Variants in RIF1 observed in about 807,000 individuals in gnomAD.
RIF1 encodes replication timing regulatory factor 1.
In RIF1, 45 loss-of-function variants were observed where a neutral mutation model predicts 247.1. That is an observed-to-expected ratio of 0.18 (90% CI 0.14 to 0.23). The LOEUF (loss-of-function observed/expected upper bound fraction) is 0.23. Among genes scored for constraint, RIF1 ranks in the 10% least tolerant of loss-of-function variants. The probability of loss-of-function intolerance (pLI) is 1.00; values close to 1 mark genes in which losing one functional copy is unlikely to be tolerated. For synonymous variants in RIF1, 1,087 were observed against 978.8 expected, an observed-to-expected ratio of 1.11 and a Z score of -2.06; for missense variants, 2,967 against 2,862.5, an observed-to-expected ratio of 1.04 and a Z score of -0.83.
At position 151,492,082 on chromosome 2, in the gene RIF1, A is replaced by C. The variant is rs756271464; in HGVS notation, c.*416-3147A>C. 4.3e-6 allele frequency: 7 copies of C among 1,612,652 alleles called. No homozygotes were observed. The African/African-American group carries it at 9.4e-5, about 22-fold the overall frequency. On this transcript the variant is annotated intron_variant and NMD_transcript_variant, in intron 9 of 13. Transcript: ENST00000454583. ...CACTTAAAGTTAATCCCCTCCCCCA[A>C]CCCAGGCTCAGTTACCTGTAATAGT...
At chr2:151,425,981 T>TG (rs1357142433) in intron 8 of RIF1, among the ~76,000 whole-genome samples, 3 of 151,342 alleles carry the variant, frequency 2.0e-5, no homozygotes, top group Admixed American at 2.0e-4. Context: ...GCCTGGCCTG[T>TG]GGTACCCTTT....
rs763660764 is a variant in RIF1 at position 151,463,407 on chromosome 2, A to G, written c.3887A>G (p.Gln1296Arg). 1.9e-6 allele frequency: 3 copies of G among 1,613,878 alleles called. No individual in the cohort carries two copies. Among genetic ancestry groups the G allele is most frequent in the Non-Finnish European group, 2.5e-6 (3 of 1,179,984 alleles). The change falls in exon 30 of 36, where the codon CAA (glutamine) becomes CGA (arginine). Residue 1296 changes from glutamine to arginine, a missense_variant. This residue lies in a region of RIF1 where 2,028 missense variants were observed against 1,825.6 expected (regional missense o/e 1.11). Transcript: ENST00000444746. ...AGCCGGAGAGCTGGTAAAGCTGAAC[A>G]AACAGGGAATAAAAGGTCTAAGCCC... ...RSSRRAGKAE[Q>R]TGNKRSKPLM...
chr2:151,489,047 C>G (rs2152738989), intron 9 of RIF1, among the ~76,000 whole-genome samples: 1 of 152,216 alleles, frequency 6.6e-6, no homozygotes, highest in East Asian at 1.9e-4. Context: ...AGGGTTAGCA[C>G]AGTTTCTTTA....
chr2:151,442,388 TAAAA>T (rs34173773), intron 16 of RIF1, among the ~76,000 whole-genome samples: 3 of 134,830 alleles, frequency 2.2e-5, no homozygotes, highest in Admixed American at 7.6e-5. Context: ...CCCTTTTTTT[TAAAA>T]AAAAAAAAAA....
At position 151,462,740 on chromosome 2, in the gene RIF1, A is replaced by C. The variant is rs923513068; in HGVS notation, c.3364-144A>C. The C allele has an allele frequency of 1.1e-5, 7 of 637,888 alleles. No individual in the cohort carries two copies. The South Asian group carries it at 1.6e-4, about 14-fold the overall frequency. The allele number at this position is 637,888 out of a possible 1,614,324, so 39.5% of individuals were successfully genotyped here. On this transcript the variant is annotated intron_variant, in intron 29 of 35. Coordinates refer to ENST00000444746, the MANE Select transcript of RIF1 (RefSeq NM_018151.5). Reference sequence around the variant, plus strand: ...CACAAACTGTTAGGTATCTACCACTAACTTTGGAATAGTTGCCATATATTG... The same window carrying C: ...CACAAACTGTTAGGTATCTACCACTCACTTTGGAATAGTTGCCATATATTG...
chr2:151,459,662 C>T (rs1273490188), intron 25 of RIF1, among the ~76,000 whole-genome samples: 1 of 152,148 alleles, frequency 6.6e-6, no homozygotes, highest in African/African-American at 2.4e-5. Flanking sequence ...GTTTAAAGTT[C>T]TATGGCTTTG....
chr2:151,423,110 T>C (rs1688446230), intron 8 of RIF1, 68 bp downstream of exon 8: 1 of 839,818 alleles, frequency 1.2e-6, no homozygotes, highest in African/African-American at 1.7e-5. Context: ...TTACCTTTTC[T>C]TTGTACAGTT....
chr2:151,498,348 A>G, intron 10 of RIF1: 3 of 1,547,810 alleles, frequency 1.9e-6, no homozygotes, highest in Non-Finnish European at 2.6e-6. Flanking sequence ...TTCTTTGTAT[A>G]GCACCTGTAT....
Position 151,433,393 on chromosome 2 carries a change from A to AG in RIF1, c.1077+168dup, listed in dbSNP as rs1690530972. Among the ~76,000 whole-genome samples, 3 of 152,202 alleles carry AG rather than the reference A, an allele frequency of 2.0e-5. No individual in the cohort carries two copies. In the South Asian group the frequency reaches 6.2e-4, roughly 32 times the overall value. ...AGAGAACTTAAATTCATTTCCCACA[A>AG]GGGATATTGTTCAGTTGCTTGAAAT... On this transcript the variant is annotated intron_variant, in intron 10 of 35. Coordinates refer to ENST00000444746, the MANE Select transcript of RIF1 (RefSeq NM_018151.5).
chr2:151,525,242 T>C, the RIF1 span: 2 of 1,613,912 alleles, frequency 1.2e-6, no homozygotes, highest in South Asian at 1.1e-5. Context: ...GGATTTTCCT[T>C]TCTCCTTGAC....
At chr2:151,500,593 CTTTTTTT>C (rs11428843) in intron 11 of RIF1, among the ~76,000 whole-genome samples, 7 of 118,458 alleles carry the variant, frequency 5.9e-5, no homozygotes, top group African/African-American at 1.8e-4. Context: ...TTCTTTCTTC[CTTTTTTT>C]TTTTTTTTTT....
the RIF1 span, among the ~76,000 whole-genome samples, chr2:151,520,531 T>A: frequency 6.6e-6 from 1 of 152,156 alleles, no homozygotes; most frequent in Non-Finnish European, 1.5e-5. Flanking sequence ...TTTGATTGAA[T>A]GGAAGGAAGA....
chr2:151,481,412 A>G lies in RIF1; in HGVS notation c.*6341A>G, dbSNP rs974422998. 2.0e-5 allele frequency: 3 copies of G among 152,174 alleles called. No homozygotes were observed. Among genetic ancestry groups the G allele is most frequent in the African/African-American group, 7.2e-5 (3 of 41,430 alleles). The allele number at this position is 152,174 out of a possible 1,614,324, so 9.4% of individuals were successfully genotyped here. A position where few individuals can be genotyped will look rare whatever the true frequency, so the allele number is the denominator to read the frequency against. On this transcript the variant is annotated 3_prime_UTR_variant, in exon 36 of 36. Coordinates refer to ENST00000444746, the MANE Select transcript of RIF1 (RefSeq NM_018151.5). ...CTCAAACTACAGTTACGTATTTGCCATGATGTTAAGGGACCTTGATGGTCT... is the reference window on the plus strand; with the variant it reads ...CTCAAACTACAGTTACGTATTTGCCGTGATGTTAAGGGACCTTGATGGTCT...
chr2:151,464,404 A>T lies in RIF1; in HGVS notation c.4884A>T (p.Val1628=), dbSNP rs1380976120. 2 of 1,613,144 alleles carry T rather than the reference A, an allele frequency of 1.2e-6. No individual in the cohort carries two copies. The highest frequency in any genetic ancestry group is 4.5e-5 in the East Asian group (2 of 44,880). ...AAAAACAAGATGAAAGTAATACTGT[A>T]ATATGTCAGGATTCTACAGTAACTT... The part of the protein sequence containing the change: ...ICEKQDESNT[V]ICQDSTVTSD... Residue 1628 remains valine (V), a synonymous_variant, in exon 30 of 36, where the codon GTA becomes GTT. Transcript: ENST00000444746.
At chr2:151,421,617 C>T (rs975972925) in intron 7 of RIF1, among the ~76,000 whole-genome samples, 2 of 152,116 alleles carry the variant, frequency 1.3e-5, no homozygotes, top group African/African-American at 4.8e-5. Context: ...ACTATATTAC[C>T]CAAGCTGGTC....
chr2:151,440,212 T>C, intron 15 of RIF1, 85 bp downstream of exon 15: 1 of 765,770 alleles, frequency 1.3e-6, no homozygotes, highest in Non-Finnish European at 2.2e-6. Flanking sequence ...CAAATCTAGT[T>C]TGGGAAGACT....
chr2:151,448,698 T>A (rs1431918003), intron 20 of RIF1, among the ~76,000 whole-genome samples: 25 of 152,240 alleles, frequency 1.6e-4, no homozygotes, highest in Admixed American at 1.6e-3. Flanking sequence ...TATTTCCTTT[T>A]TAGTACTGTC....
At chr2:151,438,222 A>T (rs1306603782) in intron 13 of RIF1, among the ~76,000 whole-genome samples, 1 of 152,214 alleles carries the variant, frequency 6.6e-6, no homozygotes, top group African/African-American at 2.4e-5. Flanking sequence ...GCATGCCTGT[A>T]ATCCTGGCAG....
chr2:151,483,102 A>C (rs991037664), downstream of RIF1: 7 of 103,460 alleles, frequency 6.8e-5, no homozygotes, highest in African/African-American at 2.7e-4. Flanking sequence ...ACTTAACATG[A>C]ATTTGGGGGT....
Sources: allele counts gnomAD v4.1 joint callset (sites outside exome capture counted in the v4.1 genomes callset), GRCh38; gene constraint gnomAD v4.1.1; regional missense constraint gnomAD v4.1.1; transcripts MANE v1.5; gene names NCBI Gene and HGNC (gene_info 2026-07-23, HGNC 2026-07-21).